WDFY4: variants seen among roughly 807,000 people sequenced by gnomAD.
WDFY4 encodes the protein WD repeat- and FYVE domain-containing protein 4.
WDFY4 carries 169 observed loss-of-function variants against 351.9 expected under a neutral mutation model. The ratio of observed to expected loss-of-function variants is 0.48; its 90% confidence interval spans 0.42 to 0.55. The LOEUF is 0.55. WDFY4 is among the 20% of genes least tolerant of loss of function. The pLI is 0.00. For missense variants in WDFY4, 3,803 were observed against 3,935.6 expected, an observed-to-expected ratio of 0.97 and a Z score of 0.90; for synonymous variants, 1,622 against 1,574.6, an observed-to-expected ratio of 1.03 and a Z score of -0.71.
chr10:48,876,845 C>T (rs1403661028), intron 42 of WDFY4, among the ~76,000 whole-genome samples, 188 bp from the exon 43 acceptor site: 2 of 152,164 alleles, frequency 1.3e-5, no homozygotes, highest in Non-Finnish European at 2.9e-5. Flanking sequence ...TTGACCACAC[C>T]CCAGGGTGCC....
At position 48,959,323 on chromosome 10, in the gene WDFY4, G is replaced by A. The variant is rs151253257; in HGVS notation, c.8132-399G>A. Among the ~76,000 whole-genome samples, 144 of 152,316 alleles carry A rather than the reference G, an allele frequency of 9.5e-4. 1 individual carries two copies. The highest frequency in any genetic ancestry group is 3.2e-3 in the African/African-American group (133 of 41,570). ...GCCAGGGCCTAGCCTAGCTCCTGGC[G>A]TGGAGTGAGGTGCTTAGAATTTGCC... On this transcript the variant is annotated intron_variant, in intron 52 of 61. Transcript: ENST00000325239.
At position 48,709,940 on chromosome 10, in the gene WDFY4, T is replaced by A. The variant is rs1171779874; in HGVS notation, c.208T>A (p.Leu70Met). 1.3e-6 allele frequency: 2 copies of A among 1,551,982 alleles called. No individual in the cohort carries two copies. The highest frequency in any genetic ancestry group is 1.7e-6 in the Non-Finnish European group (2 of 1,147,014). ...KSPIERQKSLLSLLPLFLKAW... is the reference protein window; with the variant it reads ...KSPIERQKSLMSLLPLFLKAW... The stretch of plus-strand genomic sequence containing the variant: ...CCCCATTGAGCGTCAGAAGAGCCTG[T>A]TGAGTCTTCTCCCCCTATTCCTAAA... The change falls in exon 2 of 62, where the codon TTG (leucine) becomes ATG (methionine). Residue 70 changes from leucine to methionine, a missense_variant. Around this residue, in one of 3 missense-constraint regions of WDFY4, gnomAD observed 488 missense variants for 456.8 expected, o/e 1.07. Transcript: ENST00000325239.
chr10:48,719,767 T>C (rs2064018857), intron 2 of WDFY4, among the ~76,000 whole-genome samples: 1 of 152,194 alleles, frequency 6.6e-6, no homozygotes. Context: ...GACTGGGCTC[T>C]GTGTGTTTGA....
intron 4 of WDFY4, among the ~76,000 whole-genome samples, chr10:48,722,190 G>A (rs571561794): frequency 6.6e-6 from 1 of 152,284 alleles, no homozygotes; most frequent in East Asian, 1.9e-4. Flanking sequence ...TACATGACCT[G>A]GGAAGTTAAC....
At chr10:48,802,588 A>T (rs910419290) in intron 24 of WDFY4, 3 of 413,628 alleles carry the variant, frequency 7.3e-6, no homozygotes. Flanking sequence ...TAGAAATAAG[A>T]CATGATGGCA....
At chr10:48,966,390 G>A in intron 54 of WDFY4, 136 bp from the exon 55 acceptor site, 1 of 947,722 alleles carries the variant, frequency 1.1e-6, no homozygotes, top group South Asian at 2.0e-5. Flanking sequence ...CAGAGGTTCT[G>A]TTCATGTTCA....
At chr10:48,800,321 A>G (rs1261705121) in intron 24 of WDFY4, among the ~76,000 whole-genome samples, 2 of 152,236 alleles carry the variant, frequency 1.3e-5, no homozygotes, top group Non-Finnish European at 2.9e-5. Context: ...TTTGGAGACA[A>G]GAGAGTGGAT....
At chr10:48,891,443 C>T (rs2070691618) in intron 44 of WDFY4, among the ~76,000 whole-genome samples, 1 of 152,262 alleles carries the variant, frequency 6.6e-6, no homozygotes, top group Admixed American at 6.5e-5. Context: ...ATCAAATTGA[C>T]TGAGCTTTTG....
chr10:48,932,018 G>A lies in WDFY4; in HGVS notation c.7587-9788G>A, dbSNP rs138105949. ...GTAGGCTGCAGGGAGCATGGGAGCTGTGAGGCAAATAGAAGTGAGCCCCAC... is the reference window on the plus strand; with the variant it reads ...GTAGGCTGCAGGGAGCATGGGAGCTATGAGGCAAATAGAAGTGAGCCCCAC... On this transcript the variant is annotated intron_variant, in intron 47 of 61. Transcript: ENST00000325239. 3.6e-3 allele frequency among the ~76,000 whole-genome samples: 553 copies of A among 152,332 alleles called. 7 individuals are homozygous for A. The highest frequency in any genetic ancestry group is 0.013 in the African/African-American group (529 of 41,570).
intron 1 of WDFY4, among the ~76,000 whole-genome samples, chr10:48,705,779 C>A (rs1347918060): frequency 6.6e-6 from 1 of 152,178 alleles, no homozygotes; most frequent in Non-Finnish European, 1.5e-5. Flanking sequence ...GAGAGCTGGG[C>A]GGTTTCTGAT....
At chr10:48,724,739 A>G (rs2064208716) in intron 5 of WDFY4, among the ~76,000 whole-genome samples, 1 of 152,184 alleles carries the variant, frequency 6.6e-6, no homozygotes, top group Admixed American at 6.5e-5. Flanking sequence ...CAGCAAGCAT[A>G]GGGCTTCACT....
chr10:48,697,352 G>A (rs533241578), intron 1 of WDFY4, among the ~76,000 whole-genome samples: 11 of 152,330 alleles, frequency 7.2e-5, no homozygotes, highest in East Asian at 3.9e-4. Context: ...TTAGCCTCCC[G>A]TGTCTTCCTG....
intron 12 of WDFY4, among the ~76,000 whole-genome samples, chr10:48,748,763 C>G (rs185953727): frequency 4.9e-4 from 74 of 152,308 alleles, no homozygotes; most frequent in African/African-American, 1.7e-3. Context: ...AACTCTACCC[C>G]CTCCAGGGAG....
At chr10:48,953,374 C>A (rs1406403885) in intron 51 of WDFY4, among the ~76,000 whole-genome samples, 1 of 150,672 alleles carries the variant, frequency 6.6e-6, no homozygotes, top group Non-Finnish European at 1.5e-5. Context: ...TGCTTTCACA[C>A]CAACAGCTAT....
At chr10:48,758,976 A>G (rs2065416404) in intron 12 of WDFY4, among the ~76,000 whole-genome samples, 1 of 152,068 alleles carries the variant, frequency 6.6e-6, no homozygotes, top group Non-Finnish European at 1.5e-5. Context: ...TATTCTGGAC[A>G]TTTTGAATCT....
chr10:48,813,030 A>G (rs1181578293), intron 30 of WDFY4, among the ~76,000 whole-genome samples: 1 of 152,192 alleles, frequency 6.6e-6, no homozygotes, highest in Non-Finnish European at 1.5e-5. Flanking sequence ...AGTTTACCCT[A>G]TATGGATGGC....
chr10:48,966,906 G>C (rs1842110210), intron 55 of WDFY4: 1 of 557,462 alleles, frequency 1.8e-6, no homozygotes, highest in East Asian at 3.0e-5. Context: ...CTGTCTTTCT[G>C]TCTGTCTCTC....
chr10:48,979,072 G>A (rs1040321922), intron 60 of WDFY4: 2 of 152,246 alleles, frequency 1.3e-5, no homozygotes, highest in Admixed American at 1.3e-4. Flanking sequence ...CCTCTACTGT[G>A]TCCTAGGCTC....
intron 47 of WDFY4, among the ~76,000 whole-genome samples, chr10:48,922,938 T>A (rs1416482894): frequency 6.6e-6 from 1 of 152,230 alleles, no homozygotes; most frequent in East Asian, 1.9e-4. Flanking sequence ...TGGGTTGGTG[T>A]CACTGCCTGC....
Sources: allele counts gnomAD v4.1 joint callset (sites outside exome capture counted in the v4.1 genomes callset), GRCh38; gene constraint gnomAD v4.1.1; regional missense constraint gnomAD v4.1.1; transcripts MANE v1.5; gene names NCBI Gene and HGNC (gene_info 2026-07-23, HGNC 2026-07-21).